NCK1: variants seen among roughly 807,000 people sequenced by gnomAD.
NCK1 encodes the protein SH2/SH3 adapter protein NCK1.
A neutral mutation model predicts 36.6 loss-of-function variants in NCK1; 19 were observed. The ratio of observed to expected loss-of-function variants is 0.52; its 90% CI spans 0.36 to 0.76. The LOEUF is 0.76. Ranked by LOEUF, NCK1 falls within the 30% of genes least tolerant of loss-of-function variation. The pLI, the probability that NCK1 is intolerant of heterozygous loss-of-function variation, is 0.00. For synonymous variants in NCK1, 165 were observed against 156.0 expected (o/e 1.06, Z -0.43); for missense variants, 358 against 445.6 (o/e 0.80, Z 1.77).
chr3:136,905,427 T>A (rs1939658222), intron 1 of NCK1, among the ~76,000 whole-genome samples: 1 of 151,904 alleles, frequency 6.6e-6, no homozygotes, highest in African/African-American at 2.4e-5. Flanking sequence ...TTCTCTTGTA[T>A]CTTTTTTTTT....
In NCK1 at chr3:136,946,237, T is replaced by C. The variant is rs771135953; in HGVS notation, c.881T>C (p.Met294Thr). 3.7e-6 allele frequency: 6 copies of C among 1,612,960 alleles called. No individual in the cohort carries two copies. In the African/African-American group the frequency reaches 8.0e-5, roughly 22 times the overall value. Reference protein sequence around the residue: ...YGKVTRHQAEMALNERGHEGD... With the variant: ...YGKVTRHQAETALNERGHEGD... ...AAAGTCACCAGGCATCAAGCAGAAA[T>C]GGCATTAAATGAAAGAGGACATGAA... Residue 294 changes from methionine to threonine, a missense_variant, in exon 3 of 4, where the codon ATG (methionine) becomes ACG (threonine). Met to Thr is a moderately conservative substitution (Grantham distance 81). Transcript: ENST00000481752.
chr3:136,869,871 G>T (rs1428899525), intron 1 of NCK1, among the ~76,000 whole-genome samples: 1 of 152,054 alleles, frequency 6.6e-6, no homozygotes, highest in African/African-American at 2.4e-5. Context: ...TTAAAACACT[G>T]ATTCTCTTGT....
At chr3:136,877,485 A>G (rs575338868) in intron 1 of NCK1, among the ~76,000 whole-genome samples, 2 of 152,358 alleles carry the variant, frequency 1.3e-5, no homozygotes, top group South Asian at 4.1e-4. Flanking sequence ...GCTTAGAGGA[A>G]GAGTTATAGC....
intron 1 of NCK1, among the ~76,000 whole-genome samples, chr3:136,900,602 T>C (rs1939516574): frequency 6.6e-6 from 1 of 152,180 alleles, no homozygotes. Context: ...TTTTATCTAG[T>C]GTTTTGTAGT....
chr3:136,893,297 G>A (rs1939305473), intron 1 of NCK1, among the ~76,000 whole-genome samples: 2 of 151,246 alleles, frequency 1.3e-5, no homozygotes, highest in Non-Finnish European at 1.5e-5. Context: ...AGGAATCTGC[G>A]CCATCCACGT....
intron 1 of NCK1, among the ~76,000 whole-genome samples, chr3:136,903,073 G>A (rs1009438154): frequency 6.6e-6 from 1 of 152,104 alleles, no homozygotes; most frequent in Non-Finnish European, 1.5e-5. Context: ...TTATCGTAGT[G>A]GAATCTATCT....
chr3:136,930,501 C>G, intron 2 of NCK1: 1 of 1,354,822 alleles, frequency 7.4e-7, no homozygotes, highest in Non-Finnish European at 9.5e-7. Flanking sequence ...CGAGGAAGCT[C>G]ACTGAGAATT....
intron 1 of NCK1, among the ~76,000 whole-genome samples, chr3:136,879,829 T>A (rs891354006): frequency 6.6e-6 from 1 of 151,184 alleles, no homozygotes; most frequent in African/African-American, 2.5e-5. Flanking sequence ...ACATCACACA[T>A]TGGGGCCTGT....
chr3:136,890,068 A>G (rs916906507), intron 1 of NCK1, among the ~76,000 whole-genome samples: 23 of 152,018 alleles, frequency 1.5e-4, no homozygotes, highest in African/African-American at 5.6e-4. Context: ...CTTGTTGGGG[A>G]GGCTCGGGCG....
At chr3:136,900,314 C>T (rs1422918378) in intron 1 of NCK1, among the ~76,000 whole-genome samples, 2 of 152,142 alleles carry the variant, frequency 1.3e-5, no homozygotes, top group Non-Finnish European at 2.9e-5. Flanking sequence ...CTGTCTTATA[C>T]CAGTACCATG....
chr3:136,900,176 C>T (rs1939506362), intron 1 of NCK1: 4 of 283,454 alleles, frequency 1.4e-5, no homozygotes, highest in Non-Finnish European at 2.7e-5. Context: ...GCTCTCCCTT[C>T]ACTCTTCATT....
chr3:136,948,171 C>G, intron 3 of NCK1, 88 bp from the exon 4 acceptor site: 1 of 1,044,240 alleles, frequency 9.6e-7, no homozygotes, highest in East Asian at 2.7e-5. Flanking sequence ...TTAGTAAGTG[C>G]TTAGATTTTA....
intron 1 of NCK1, among the ~76,000 whole-genome samples, chr3:136,919,022 A>T (rs191798811): frequency 3.3e-4 from 50 of 152,374 alleles, no homozygotes; most frequent in Middle Eastern, 3.4e-3. Flanking sequence ...TGGACTACTC[A>T]GCACTAAAAA....
chr3:136,926,862 T>A (rs1482279058), intron 1 of NCK1, among the ~76,000 whole-genome samples: 1 of 152,238 alleles, frequency 6.6e-6, no homozygotes, highest in African/African-American at 2.4e-5. Flanking sequence ...TTGCTTTTTG[T>A]ATGTGTTTCA....
intron 1 of NCK1, among the ~76,000 whole-genome samples, chr3:136,921,966 G>A (rs1219115236): frequency 1.3e-5 from 2 of 152,240 alleles, no homozygotes; most frequent in African/African-American, 2.4e-5. Flanking sequence ...TTGTATTTTA[G>A]TAGAGACGGG....
At chr3:136,934,561 C>T (rs1030478308) in intron 2 of NCK1, among the ~76,000 whole-genome samples, 2 of 152,164 alleles carry the variant, frequency 1.3e-5, no homozygotes, top group Non-Finnish European at 2.9e-5. Context: ...GCTGGGATTA[C>T]AGGTGTGCAC....
chr3:136,897,614 A>G (rs1342182106), intron 1 of NCK1, among the ~76,000 whole-genome samples: 1 of 152,052 alleles, frequency 6.6e-6, no homozygotes, highest in East Asian at 1.9e-4. Context: ...TTCCTTGTAT[A>G]TTCTAGGTAT....
chr3:136,920,450 A>G (rs557195291), intron 1 of NCK1, among the ~76,000 whole-genome samples: 6 of 152,314 alleles, frequency 3.9e-5, no homozygotes, highest in Admixed American at 1.3e-4. Flanking sequence ...AGACAGAGCA[A>G]AGGAATGAGA....
intron 1 of NCK1, among the ~76,000 whole-genome samples, chr3:136,910,634 G>A (rs978075298): frequency 6.6e-6 from 1 of 151,956 alleles, no homozygotes; most frequent in Non-Finnish European, 1.5e-5. Context: ...ATTTATTCCA[G>A]TTTTAAATTT....
Sources: gnomAD v4.1 joint callset for allele counts (sites outside exome capture counted in the v4.1 genomes callset) on GRCh38, gnomAD v4.1.1 for gene constraint, MANE v1.5 for transcripts, NCBI Gene and HGNC (gene_info 2026-07-23, HGNC 2026-07-21) for gene names.